Variants in MTUS2 observed in about 807,000 individuals in gnomAD.
The protein encoded by MTUS2 is microtubule-associated tumor suppressor candidate 2.
MTUS2 carries 40 observed loss-of-function variants against 114.1 expected under a neutral mutation model. That is an observed-to-expected ratio of 0.35 (90% CI 0.27 to 0.46). The LOEUF is 0.46. MTUS2 is among the 20% of genes least tolerant of loss of function. MTUS2 has a pLI of 1.00. For synonymous variants in MTUS2, 688 were observed against 672.0 expected (o/e 1.02, Z -0.37); for missense variants, 1,679 against 1,705.4 (o/e 0.98, Z 0.27).
intron 8 of MTUS2, among the ~76,000 whole-genome samples, chr13:29,407,281 G>A (rs1874832382): frequency 6.6e-6 from 1 of 151,856 alleles, no homozygotes; most frequent in South Asian, 2.1e-4. Flanking sequence ...GATTGTTTGG[G>A]TTTTCACTAT....
At chr13:29,088,600 C>G (rs531358953) in intron 4 of MTUS2, among the ~76,000 whole-genome samples, 1 of 152,282 alleles carries the variant, frequency 6.6e-6, no homozygotes, top group Admixed American at 6.5e-5. Context: ...GTGTGGTTAT[C>G]TAAGTTTCTT....
intron 5 of MTUS2, among the ~76,000 whole-genome samples, chr13:29,176,489 CT>C (rs1893778353): frequency 6.6e-6 from 1 of 152,152 alleles, no homozygotes; most frequent in South Asian, 2.1e-4. Context: ...TCCACTTGGG[CT>C]GCTCAAACCT....
At chr13:29,195,733 G>A (rs1455226106) in intron 5 of MTUS2, among the ~76,000 whole-genome samples, 1 of 152,124 alleles carries the variant, frequency 6.6e-6, no homozygotes, top group Non-Finnish European at 1.5e-5. Context: ...GGCCAGGGTT[G>A]TTGTTAGAAG....
At chr13:29,373,982 A>C (rs571298676) in intron 8 of MTUS2, among the ~76,000 whole-genome samples, 1 of 152,332 alleles carries the variant, frequency 6.6e-6, no homozygotes, top group Non-Finnish European at 1.5e-5. Context: ...ACAAGCAGTT[A>C]CCCTTGAAAT....
intron 8 of MTUS2, among the ~76,000 whole-genome samples, chr13:29,388,555 T>C (rs7334385): frequency 0.59 from 89,310 of 151,468 alleles, 28,166 homozygotes; most frequent in South Asian, 0.73. Flanking sequence ...GGCTCCCAAC[T>C]TAACAAACAG....
chr13:29,356,704 G>A (rs1044165471), intron 7 of MTUS2, among the ~76,000 whole-genome samples: 10 of 152,164 alleles, frequency 6.6e-5, no homozygotes, highest in Admixed American at 5.2e-4. Flanking sequence ...TTAGTCCTAG[G>A]CAAAGTCACG....
chr13:29,490,136 T>C (rs1881956766), intron 11 of MTUS2: 1 of 152,200 alleles, frequency 6.6e-6, no homozygotes, highest in Non-Finnish European at 1.5e-5. Flanking sequence ...ACTGTAACAC[T>C]AATCATTTAG....
intron 2 of MTUS2, among the ~76,000 whole-genome samples, chr13:28,843,804 G>A (rs1035051802): frequency 6.6e-6 from 1 of 152,192 alleles, no homozygotes; most frequent in African/African-American, 2.4e-5. Flanking sequence ...ACACACGGGG[G>A]ATGGGTCATG....
At chr13:29,333,956 T>A (rs9508364) in intron 7 of MTUS2, among the ~76,000 whole-genome samples, 7 of 151,750 alleles carry the variant, frequency 4.6e-5, no homozygotes, top group South Asian at 2.1e-4. Flanking sequence ...CTTCTTTGCC[T>A]TTTTTGATCT....
intron 7 of MTUS2, among the ~76,000 whole-genome samples, chr13:29,334,618 G>C (rs564243826): frequency 3.0e-4 from 45 of 152,278 alleles, no homozygotes; most frequent in African/African-American, 9.6e-4. Context: ...ACTTTTGTCT[G>C]TGGCTGCTAC....
chr13:29,385,577 A>G (rs1872577593), intron 8 of MTUS2, among the ~76,000 whole-genome samples: 1 of 152,124 alleles, frequency 6.6e-6, no homozygotes, highest in Admixed American at 6.5e-5. Flanking sequence ...CAGTTGCCCC[A>G]TATTCCCCAG....
chr13:29,385,801 A>G (rs7325105), intron 8 of MTUS2, among the ~76,000 whole-genome samples: 3,808 of 152,270 alleles, frequency 0.025, 152 homozygotes, highest in African/African-American at 0.086. Flanking sequence ...TTGTTTGCCA[A>G]AATGGAAGGA....
intron 7 of MTUS2, among the ~76,000 whole-genome samples, chr13:29,331,457 A>T (rs1900775213): frequency 6.6e-6 from 1 of 152,114 alleles, no homozygotes; most frequent in African/African-American, 2.4e-5. Context: ...TGGCTAGAGC[A>T]ATACTTCCAA....
intron 5 of MTUS2, among the ~76,000 whole-genome samples, chr13:29,255,216 G>A (rs1204075237): frequency 6.6e-6 from 1 of 152,172 alleles, no homozygotes; most frequent in Non-Finnish European, 1.5e-5. Context: ...CTCGTGTTCT[G>A]AGCAGAGCAG....
intron 1 of MTUS2, among the ~76,000 whole-genome samples, chr13:28,828,696 G>A (rs1439630860): frequency 6.6e-6 from 1 of 152,010 alleles, no homozygotes; most frequent in Admixed American, 6.6e-5. Flanking sequence ...CTTGCCTCAG[G>A]TACAAAATTT....
At chr13:29,030,717 A>G (rs2138507716) in intron 3 of MTUS2, among the ~76,000 whole-genome samples, 1 of 152,320 alleles carries the variant, frequency 6.6e-6, no homozygotes, top group East Asian at 1.9e-4. Flanking sequence ...TTTTTCAGTT[A>G]TAGAAGCCAG....
intron 2 of MTUS2, among the ~76,000 whole-genome samples, chr13:28,968,057 A>G (rs922512481): frequency 6.6e-6 from 1 of 152,194 alleles, no homozygotes; most frequent in Non-Finnish European, 1.5e-5. Context: ...ACCTGCTAAC[A>G]TTAGACTGCA....
At chr13:29,294,967 T>C (rs896039124) in intron 6 of MTUS2, among the ~76,000 whole-genome samples, 2 of 152,214 alleles carry the variant, frequency 1.3e-5, no homozygotes, top group African/African-American at 2.4e-5. Context: ...CTTGGAAATG[T>C]GCAGGGTTTA....
rs143901530 is a variant in MTUS2 at position 28,879,992 on chromosome 13, G to A, written c.-243+40142G>A. On this transcript the variant is annotated intron_variant, in intron 2 of 15. Coordinates refer to ENST00000612955, the MANE Select transcript of MTUS2 (RefSeq NM_001033602.4). ...TGAGGCAAAGAAATAAAGCTAGAAA[G>A]GACCTGATATATTGAGAGAAGACAA... 1.7e-3 allele frequency among the ~76,000 whole-genome samples: 252 copies of A among 152,254 alleles called. 1 individual carries two copies. The highest frequency in any genetic ancestry group is 5.8e-3 in the African/African-American group (243 of 41,554).
Sources: allele counts gnomAD v4.1 joint callset (sites outside exome capture counted in the v4.1 genomes callset), GRCh38; gene constraint gnomAD v4.1.1; transcripts MANE v1.5; gene names NCBI Gene and HGNC (gene_info 2026-07-23, HGNC 2026-07-21).